AGAP1: variants seen among roughly 807,000 people sequenced by gnomAD.
The protein encoded by AGAP1 is arf-GAP with GTPase, ANK repeat and PH domain-containing protein 1.
A neutral mutation model predicts 105.3 loss-of-function variants in AGAP1; 29 were observed. The observed-to-expected ratio is 0.28, with a 90% CI of 0.21 to 0.38. AGAP1 has a LOEUF of 0.38. AGAP1 is among the 10% of genes least tolerant of loss of function. The pLI is 1.00. For synonymous variants in AGAP1, 509 were observed against 485.9 expected, an observed-to-expected ratio of 1.05 and a Z score of -0.63; for missense variants, 998 against 1,165.1, an observed-to-expected ratio of 0.86 and a Z score of 2.09.
intron 9 of AGAP1, among the ~76,000 whole-genome samples, chr2:235,844,154 C>G (rs1961193342): frequency 6.6e-6 from 1 of 152,230 alleles, no homozygotes; most frequent in Non-Finnish European, 1.5e-5. Flanking sequence ...GGCTTGCCCC[C>G]ACAGGCCTCC....
rs2057910049 is a variant in AGAP1, at chr2:236,051,876, C to A, written c.2114+2595C>A. On this transcript the variant is annotated intron_variant, in intron 16 of 17. Coordinates refer to ENST00000304032, the MANE Select transcript of AGAP1 (RefSeq NM_001037131.3). The surrounding 1 kb of genome is among the most constrained non-coding windows in gnomAD (Gnocchi z 5.9). ...CTGTCCAAAGCAAAACACACCCAGCCCGATAACAGAGTAGAAATTCAGACT... is the reference window on the plus strand; with the variant it reads ...CTGTCCAAAGCAAAACACACCCAGCACGATAACAGAGTAGAAATTCAGACT... Among the ~76,000 whole-genome samples the A allele has an allele frequency of 6.6e-6, 1 of 152,126 alleles. No individual in the cohort carries two copies. Among genetic ancestry groups the A allele is most frequent in the South Asian group, 2.1e-4 (1 of 4,828 alleles).
rs548135656 is a variant in AGAP1, at chr2:235,577,084, C to A, written c.163+82235C>A. 5.3e-5 allele frequency among the ~76,000 whole-genome samples: 8 copies of A among 152,296 alleles called. No homozygotes were observed. Among genetic ancestry groups the A allele is most frequent in the African/African-American group, 1.9e-4 (8 of 41,550 alleles). On this transcript the variant is annotated intron_variant, in intron 1 of 17. Transcript: ENST00000304032. This position sits in a 1 kb window ranked among gnomAD's most constrained non-coding sequence, Gnocchi z 4.5. ...TCCTGAAATATCAGGCCTTCCTGAA[C>A]CCCCTTGTACCTCTGTCCAGTGGAA...
At chr2:235,648,600 G>A (rs761603960) in intron 1 of AGAP1, among the ~76,000 whole-genome samples, 10 of 151,914 alleles carry the variant, frequency 6.6e-5, no homozygotes, top group East Asian at 5.8e-4. Flanking sequence ...GTGGCCGGGC[G>A]CGGTGGCTCA....
In AGAP1 at chr2:236,035,791, C is replaced by T. The variant is rs1576127779; in HGVS notation, c.1646-770C>T. Among the ~76,000 whole-genome samples the T allele has an allele frequency of 6.6e-6, 1 of 152,142 alleles. No individual in the cohort carries two copies. Among genetic ancestry groups the T allele is most frequent in the East Asian group, 1.9e-4 (1 of 5,178 alleles). On this transcript the variant is annotated intron_variant, in intron 13 of 17. Coordinates refer to ENST00000304032, the MANE Select transcript of AGAP1 (RefSeq NM_001037131.3). The surrounding 1 kb of genome is among the most constrained non-coding windows in gnomAD (Gnocchi z 4.2). ...GACCAGGTCCCAAGTCCGCATGGGT[C>T]TGTACACTTCATGGAACTAGCAGAA...
At chr2:235,794,756 G>C (rs537531753) in intron 6 of AGAP1, among the ~76,000 whole-genome samples, 15 of 152,264 alleles carry the variant, frequency 9.9e-5, no homozygotes, top group Admixed American at 9.1e-4. Flanking sequence ...ACAGGTATGA[G>C]CCACCGCGCC....
chr2:235,949,663 T>G (rs1271295055), intron 12 of AGAP1, among the ~76,000 whole-genome samples: 1 of 152,210 alleles, frequency 6.6e-6, no homozygotes, highest in Non-Finnish European at 1.5e-5. Context: ...GCCATGCTCT[T>G]TTTGCTAATA....
chr2:235,536,972 G>T (rs13403973), intron 1 of AGAP1, among the ~76,000 whole-genome samples: 1 of 152,074 alleles, frequency 6.6e-6, no homozygotes, highest in Non-Finnish European at 1.5e-5. Flanking sequence ...CAACTCCTCC[G>T]TGAGTCCATC....
chr2:235,674,833 C>T (rs1265362798), intron 1 of AGAP1, among the ~76,000 whole-genome samples: 5 of 151,678 alleles, frequency 3.3e-5, no homozygotes, highest in African/African-American at 9.7e-5. Flanking sequence ...GGACTAGAGG[C>T]GCATGCCACC....
In AGAP1 at chr2:236,101,592, C is replaced by T. The variant is rs1036349276; in HGVS notation, c.2115-18600C>T. On this transcript the variant is annotated intron_variant, in intron 16 of 17. Coordinates refer to ENST00000304032, the MANE Select transcript of AGAP1 (RefSeq NM_001037131.3). The surrounding 1 kb of genome is among the most constrained non-coding windows in gnomAD (Gnocchi z 4.9). ...TTAAAGGGCGTCGGTGCACGTACAG[C>T]GAGGGCTTACATCCACTTTACGGGA... 1.3e-5 allele frequency among the ~76,000 whole-genome samples: 2 copies of T among 152,180 alleles called. No individual in the cohort carries two copies. Among genetic ancestry groups the T allele is most frequent in the Non-Finnish European group, 2.9e-5 (2 of 68,032 alleles).
Position 236,066,794 on chromosome 2 carries a change from T to C in AGAP1, c.2114+17513T>C, listed in dbSNP as rs137962545. The stretch of plus-strand genomic sequence containing the variant: ...CCTATCACCCCAGGAACTTCCCCTG[T>C]CCCCCCTCCTGTTTATTCTCCCTGT... On this transcript the variant is annotated intron_variant, in intron 16 of 17. Transcript: ENST00000304032. 5.8e-4 allele frequency among the ~76,000 whole-genome samples: 88 copies of C among 152,232 alleles called. 2 individuals carry two copies. The East Asian group carries it at 0.012, about 21-fold the overall frequency.
At position 235,639,125 on chromosome 2, in the gene AGAP1, A is replaced by G. The variant is rs530571497; in HGVS notation, c.164-70054A>G. 5.3e-5 allele frequency among the ~76,000 whole-genome samples: 8 copies of G among 152,154 alleles called. No individual in the cohort carries two copies. The highest frequency in any genetic ancestry group is 1.2e-4 in the Non-Finnish European group (8 of 68,032). On this transcript the variant is annotated intron_variant, in intron 1 of 17. Coordinates refer to ENST00000304032, the MANE Select transcript of AGAP1 (RefSeq NM_001037131.3). The surrounding 1 kb of genome is among the most constrained non-coding windows in gnomAD (Gnocchi z 5.3). ...TTGATGGATGGAATTTGGTCAAGGC[A>G]GGAATGAGGGTGGATGTGGGGCATG...
chr2:235,940,123 C>T (rs1395038757), intron 12 of AGAP1, among the ~76,000 whole-genome samples: 2 of 152,152 alleles, frequency 1.3e-5, no homozygotes, highest in East Asian at 1.9e-4. Flanking sequence ...CAAAGCATCA[C>T]TTGCACACCC....
At chr2:236,075,968 G>A (rs2058626799) in intron 16 of AGAP1, among the ~76,000 whole-genome samples, 1 of 152,204 alleles carries the variant, frequency 6.6e-6, no homozygotes, top group African/African-American at 2.4e-5. Flanking sequence ...GGAGGCCGGG[G>A]CAGCGTGGGT....
intron 16 of AGAP1, among the ~76,000 whole-genome samples, chr2:236,102,884 G>C (rs775372547): frequency 3.6e-4 from 55 of 152,180 alleles, no homozygotes; most frequent in Non-Finnish European, 4.7e-4. Context: ...TTCGCTAATA[G>C]TGTAACTTTT....
At chr2:235,943,284 A>C (rs551132342) in intron 12 of AGAP1, among the ~76,000 whole-genome samples, 1 of 152,026 alleles carries the variant, frequency 6.6e-6, no homozygotes. Context: ...CATTGGTCAA[A>C]TCTTTTTCAT....
rs1351424034 is a variant in AGAP1, at chr2:235,961,035, A to G, written c.1484-7427A>G. Among the ~76,000 whole-genome samples the G allele has an allele frequency of 6.6e-6, 1 of 152,216 alleles. No individual in the cohort carries two copies. Among genetic ancestry groups the G allele is most frequent in the Non-Finnish European group, 1.5e-5 (1 of 68,050 alleles). On this transcript the variant is annotated intron_variant, in intron 12 of 17. Coordinates refer to ENST00000304032, the MANE Select transcript of AGAP1 (RefSeq NM_001037131.3). This position sits in a 1 kb window ranked among gnomAD's most constrained non-coding sequence, Gnocchi z 5.9. ...GTTCTTTCATAAAACTTTATTACGTATCGAACCCCATTACTCATCCTGAAT... is the reference window on the plus strand; with the variant it reads ...GTTCTTTCATAAAACTTTATTACGTGTCGAACCCCATTACTCATCCTGAAT...
rs566071312 is a variant in AGAP1, at chr2:235,569,664, C to G, written c.163+74815C>G. On this transcript the variant is annotated intron_variant, in intron 1 of 17. Transcript: ENST00000304032. This position sits in a 1 kb window ranked among gnomAD's most constrained non-coding sequence, Gnocchi z 5.9. Reference sequence around the variant, plus strand: ...CCAGGTAGGGTGTGTTCACTGTGCCCCTGTGTGAGGGTTTGTAGTCTTACA... The same window carrying G: ...CCAGGTAGGGTGTGTTCACTGTGCCGCTGTGTGAGGGTTTGTAGTCTTACA... Among the ~76,000 whole-genome samples, 3 of 152,268 alleles carry G rather than the reference C, an allele frequency of 2.0e-5. No individual in the cohort carries two copies. Among genetic ancestry groups the G allele is most frequent in the African/African-American group, 7.2e-5 (3 of 41,562 alleles).
At position 235,664,849 on chromosome 2, in the gene AGAP1, C is replaced by G. The variant is rs949934169; in HGVS notation, c.164-44330C>G. 2.0e-5 allele frequency among the ~76,000 whole-genome samples: 3 copies of G among 152,132 alleles called. No individual in the cohort carries two copies. Among genetic ancestry groups the G allele is most frequent in the Non-Finnish European group, 4.4e-5 (3 of 68,028 alleles). On this transcript the variant is annotated intron_variant, in intron 1 of 17. Transcript: ENST00000304032. The surrounding 1 kb of genome is among the most constrained non-coding windows in gnomAD (Gnocchi z 5.7). The stretch of plus-strand genomic sequence containing the variant: ...AAAGTACGTGTGAGTGATGCCACCT[C>G]AACCCTTAGCCAGGTGCAGGCGTAA...
chr2:235,626,376 A>G (rs535383415), intron 1 of AGAP1, among the ~76,000 whole-genome samples: 2 of 152,248 alleles, frequency 1.3e-5, no homozygotes, highest in Admixed American at 1.3e-4. Context: ...CGAACTGAAT[A>G]TGGCTGACAC....
Sources: gnomAD v4.1 joint callset for allele counts (sites outside exome capture counted in the v4.1 genomes callset) on GRCh38, gnomAD v4.1.1 for gene constraint, Gnocchi (gnomAD v3.1) non-coding constraint, MANE v1.5 for transcripts, NCBI Gene and HGNC (gene_info 2026-07-23, HGNC 2026-07-21) for gene names.